TAFA1: variants seen among roughly 807,000 people sequenced by gnomAD.
The protein encoded by TAFA1 is TAFA chemokine like family member 1, also known as chemokine-like protein TAFA-1.
In TAFA1, 4 loss-of-function variants were observed where a neutral mutation model predicts 18.5. The observed-to-expected ratio is 0.22, with a 90% CI of 0.11 to 0.49. The LOEUF is 0.49. TAFA1 is among the 20% of genes least tolerant of loss of function. The pLI, the probability that TAFA1 is intolerant of heterozygous loss-of-function variation, is 0.98. For missense variants in TAFA1, 147 were observed against 169.0 expected (o/e 0.87, Z 0.72); for synonymous variants, 56 against 55.2 (o/e 1.01, Z -0.06).
At chr3:68,346,143 G>C (rs1241956652) in intron 2 of TAFA1, among the ~76,000 whole-genome samples, 1 of 152,110 alleles carries the variant, frequency 6.6e-6, no homozygotes, top group Non-Finnish European at 1.5e-5. Context: ...TAAGTTTTGT[G>C]TGTGTGTTTG....
In TAFA1 at chr3:68,225,830, C is replaced by A. The variant is rs190264951; in HGVS notation, c.119-191450C>A. Reference sequence around the variant, plus strand: ...TTGAAGTCTCTGAGCCTCAGATAACCTATCTGTGAAAATGAAGCAATAACA... The same window carrying A: ...TTGAAGTCTCTGAGCCTCAGATAACATATCTGTGAAAATGAAGCAATAACA... On this transcript the variant is annotated intron_variant, in intron 2 of 4. Transcript: ENST00000478136. Among the ~76,000 whole-genome samples, 1,159 of 151,892 alleles carry A rather than the reference C, an allele frequency of 7.6e-3. 20 individuals are homozygous for A. Among genetic ancestry groups the A allele is most frequent in the African/African-American group, 0.027 (1,105 of 41,420 alleles).
chr3:68,141,272 C>A (rs2065664237), intron 2 of TAFA1, among the ~76,000 whole-genome samples: 1 of 152,160 alleles, frequency 6.6e-6, no homozygotes, highest in African/African-American at 2.4e-5. Flanking sequence ...AAGGTGGACA[C>A]TTCTTTAATG....
intron 2 of TAFA1, among the ~76,000 whole-genome samples, chr3:68,287,912 GGT>G (rs142754538): frequency 0.14 from 16,062 of 116,874 alleles, 2,305 homozygotes; most frequent in East Asian, 0.55. Flanking sequence ...TTTGTTGGGG[GGT>G]GGGGGGGCTT....
At chr3:68,514,471 G>T (rs1206608576) in intron 3 of TAFA1, among the ~76,000 whole-genome samples, 3 of 151,950 alleles carry the variant, frequency 2.0e-5, no homozygotes, top group Non-Finnish European at 2.9e-5. Flanking sequence ...CCCCAGTATG[G>T]CTTTTCTTGG....
At chr3:68,116,239 AGCAAGATGCC>A (rs1324465400) in intron 2 of TAFA1, among the ~76,000 whole-genome samples, 1 of 150,396 alleles carries the variant, frequency 6.6e-6, no homozygotes, top group Middle Eastern at 3.2e-3. Context: ...TGGGCGACAA[AGCAAGATGCC>A]GTCGCAAAAA....
the TAFA1 span, among the ~76,000 whole-genome samples, chr3:67,998,911 A>G: frequency 6.6e-6 from 1 of 152,146 alleles, no homozygotes; most frequent in Admixed American, 6.5e-5. Flanking sequence ...TTTTCTGTTA[A>G]TTGTAACCAA....
chr3:68,133,185 G>C (rs751750786), intron 2 of TAFA1, among the ~76,000 whole-genome samples: 8 of 152,140 alleles, frequency 5.3e-5, no homozygotes, highest in African/African-American at 1.2e-4. Context: ...GCAGATGTAT[G>C]TTGTTAGTTC....
At chr3:68,303,903 T>C (rs538442260) in intron 2 of TAFA1, among the ~76,000 whole-genome samples, 2 of 152,324 alleles carry the variant, frequency 1.3e-5, no homozygotes, top group East Asian at 3.9e-4. Context: ...AAGCTTTTTA[T>C]TTACTTGTGT....
chr3:68,395,269 A>G (rs577289955), intron 2 of TAFA1, among the ~76,000 whole-genome samples: 1 of 152,314 alleles, frequency 6.6e-6, no homozygotes, highest in East Asian at 1.9e-4. Flanking sequence ...TAGAATGGCA[A>G]TTATTAAAAA....
Position 68,544,679 on chromosome 3 carries a change from C to A in TAFA1, c.*176C>A. ...CGAAATATCCTACAGTGAGAAGACA[C>A]AGCGTTTTGGCAACACCATGGAAAG... On this transcript the variant is annotated 3_prime_UTR_variant, in exon 5 of 5. Transcript: ENST00000478136. 1.6e-6 allele frequency: 1 copy of A among 615,684 alleles called. No homozygotes were observed. Among genetic ancestry groups the A allele is most frequent in the East Asian group, 3.0e-5 (1 of 33,534 alleles). The allele number at this position is 615,684 out of a possible 1,614,324, so 38.1% of individuals were successfully genotyped here.
At chr3:68,518,921 T>C (rs1269389035) in intron 3 of TAFA1, among the ~76,000 whole-genome samples, 1 of 152,348 alleles carries the variant, frequency 6.6e-6, no homozygotes, top group African/African-American at 2.4e-5. Context: ...CTTGGATCAT[T>C]CCAGGGCAAC....
chr3:68,456,745 G>T (rs79221832), intron 3 of TAFA1, among the ~76,000 whole-genome samples: 1 of 152,070 alleles, frequency 6.6e-6, no homozygotes, highest in Non-Finnish European at 1.5e-5. Flanking sequence ...AAGCTTTTGC[G>T]CCTGCTGGCA....
At chr3:68,478,899 TTA>T (rs2072156593) in intron 3 of TAFA1, among the ~76,000 whole-genome samples, 1 of 141,192 alleles carries the variant, frequency 7.1e-6, no homozygotes, top group Admixed American at 7.7e-5. Context: ...ATATACATTT[TTA>T]TGTCGTATAT....
intron 2 of TAFA1, among the ~76,000 whole-genome samples, chr3:68,415,514 A>T (rs2070814247): frequency 6.6e-6 from 1 of 152,184 alleles, no homozygotes; most frequent in East Asian, 1.9e-4. Flanking sequence ...GATGGGAGGT[A>T]GGAGTGAGTA....
intron 2 of TAFA1, among the ~76,000 whole-genome samples, chr3:68,413,532 A>G (rs2070756504): frequency 6.6e-6 from 1 of 152,214 alleles, no homozygotes; most frequent in African/African-American, 2.4e-5. Flanking sequence ...TGGAAATAAC[A>G]ATAGTTCTAT....
At chr3:68,081,562 A>C (rs189634691) in intron 2 of TAFA1, among the ~76,000 whole-genome samples, 6 of 152,118 alleles carry the variant, frequency 3.9e-5, no homozygotes, top group Non-Finnish European at 5.9e-5. Flanking sequence ...GTCTGTTGGA[A>C]TACCCTGCCG....
chr3:68,191,523 G>C (rs2066339869), intron 2 of TAFA1, among the ~76,000 whole-genome samples: 1 of 151,674 alleles, frequency 6.6e-6, no homozygotes, highest in Non-Finnish European at 1.5e-5. Context: ...TGTCTCTATT[G>C]GTTTGGCTTT....
At chr3:68,143,729 A>G (rs1406003321) in intron 2 of TAFA1, among the ~76,000 whole-genome samples, 2 of 152,208 alleles carry the variant, frequency 1.3e-5, no homozygotes, top group African/African-American at 4.8e-5. Context: ...GAGTAACAGT[A>G]GTTGTTTTAC....
At chr3:68,137,664 T>C (rs2065623880) in intron 2 of TAFA1, among the ~76,000 whole-genome samples, 1 of 152,200 alleles carries the variant, frequency 6.6e-6, no homozygotes, top group African/African-American at 2.4e-5. Context: ...AGTCATTGCC[T>C]TCATATGGAC....
Sources: allele counts gnomAD v4.1 joint callset (sites outside exome capture counted in the v4.1 genomes callset), GRCh38; gene constraint gnomAD v4.1.1; transcripts MANE v1.5; gene names NCBI Gene and HGNC (gene_info 2026-07-23, HGNC 2026-07-21).